The following CD163L1 variants were observed in gnomAD, a reference collection of about 807,000 sequenced individuals.
CD163L1 encodes the protein scavenger receptor cysteine-rich type 1 protein M160.
Under a neutral mutation model 165.4 loss-of-function variants are expected in CD163L1, and 124 were observed. The ratio of observed to expected loss-of-function variants is 0.75; its 90% CI spans 0.65 to 0.87. CD163L1 has a LOEUF of 0.87. CD163L1 is among the 40% of genes least tolerant of loss of function. The probability of loss-of-function intolerance (pLI) is 0.00; values close to 1 mark genes in which losing one functional copy is unlikely to be tolerated. For synonymous variants in CD163L1, 585 were observed against 662.2 expected, an observed-to-expected ratio of 0.88 and a Z score of 1.79; for missense variants, 1,525 against 1,799.9, an observed-to-expected ratio of 0.85 and a Z score of 2.76.
chr12:7,374,638 G>A lies in CD163L1; in HGVS notation c.3213C>T (p.His1071=), dbSNP rs756171461. 2.0e-5 allele frequency: 33 copies of A among 1,614,092 alleles called. No homozygotes were observed. The highest frequency in any genetic ancestry group is 1.3e-4 in the Admixed American group (8 of 60,010). The change falls in exon 13 of 20, where the codon CAC becomes CAT. Residue 1071 remains histidine (H), a synonymous_variant. Transcript: ENST00000313599. This position sits in a 1 kb window ranked among gnomAD's most constrained non-coding sequence, Gnocchi z 5.4. ...CACAGCCCAGCTTTTGACACACCAC[G>A]TGGGCATCGCTCAGGTCCCAGCCGT... The part of the protein sequence containing the change: ...CDDGWDLSDA[H]VVCQKLGCGV...
At chr12:7,428,198 T>A (rs1212426674) in intron 4 of CD163L1, among the ~76,000 whole-genome samples, 3 of 152,074 alleles carry the variant, frequency 2.0e-5, no homozygotes, top group Non-Finnish European at 2.9e-5. Context: ...TGGTTTTAAC[T>A]ATCATCCAGA....
chr12:7,384,725 G>A (rs1947481076), intron 8 of CD163L1, among the ~76,000 whole-genome samples: 1 of 151,914 alleles, frequency 6.6e-6, no homozygotes, highest in Admixed American at 6.6e-5. Context: ...GGAGATATAA[G>A]GTCTTTCCCA....
chr12:7,383,040 T>G (rs943917271), intron 8 of CD163L1, among the ~76,000 whole-genome samples: 3 of 152,184 alleles, frequency 2.0e-5, no homozygotes, highest in African/African-American at 7.2e-5. Context: ...CTATCACTGA[T>G]AGCAACCCCA....
intron 8 of CD163L1, among the ~76,000 whole-genome samples, chr12:7,380,336 CGT>C (rs756982296): frequency 6.9e-6 from 1 of 145,232 alleles, no homozygotes; most frequent in African/African-American, 2.7e-5. Context: ...TATGTATACA[CGT>C]ATACATACAT....
the CD163L1 span, among the ~76,000 whole-genome samples, chr12:7,337,393 T>C: frequency 6.6e-6 from 1 of 152,054 alleles, no homozygotes; most frequent in Non-Finnish European, 1.5e-5. Context: ...ACCTACAGAA[T>C]GGGAGAAAAT....
chr12:7,438,919 C>T, intron 2 of CD163L1: 2 of 1,603,270 alleles, frequency 1.2e-6, no homozygotes, highest in Non-Finnish European at 1.7e-6. Context: ...GCTTTTTAGG[C>T]ACAGTTTTCT....
intron 13 of CD163L1, among the ~76,000 whole-genome samples, chr12:7,373,903 C>G (rs186282108): frequency 6.6e-6 from 1 of 152,306 alleles, no homozygotes; most frequent in East Asian, 1.9e-4. Context: ...CTACATTCTA[C>G]TCTCGAACAT....
chr12:7,431,537 A>C (rs986178583), intron 4 of CD163L1, among the ~76,000 whole-genome samples: 1 of 151,284 alleles, frequency 6.6e-6, no homozygotes, highest in Non-Finnish European at 1.5e-5. Context: ...AGGACTTAAA[A>C]GTGATCCCCT....
At position 7,369,735 on chromosome 12, in the gene CD163L1, A is replaced by C. The variant is rs922942169; in HGVS notation, c.3731-70T>G. 6 of 1,399,234 alleles carry C rather than the reference A, an allele frequency of 4.3e-6. No individual in the cohort carries two copies. In the African/African-American group the frequency reaches 5.7e-5, roughly 13 times the overall value. 86.7% of individuals were successfully genotyped at this position (1,399,234 alleles called of 1,614,324 possible). A position where few individuals can be genotyped will look rare whatever the true frequency, so the allele number is the denominator to read the frequency against. ...TGTGGGAGAATGCTGAGGTAGAAAA[A>C]CTTGAAAGTAGCAAATGTGCTTGAT... is the stretch of plus-strand genomic sequence containing the variant. On this transcript the variant is annotated intron_variant, in intron 14 of 19. Coordinates refer to ENST00000313599, the MANE Select transcript of CD163L1 (RefSeq NM_174941.6). This position sits in a 1 kb window ranked among gnomAD's most constrained non-coding sequence, Gnocchi z 4.9.
rs1947157889 is a variant in CD163L1 at position 7,372,077 on chromosome 12, TA to T, written c.3730+1242del. Among the ~76,000 whole-genome samples the T allele has an allele frequency of 6.6e-6, 1 of 152,070 alleles. No individual in the cohort carries two copies. The highest frequency in any genetic ancestry group is 1.5e-5 in the Non-Finnish European group (1 of 67,952). On this transcript the variant is annotated intron_variant, in intron 14 of 19. Transcript: ENST00000313599. The surrounding 1 kb of genome is among the most constrained non-coding windows in gnomAD (Gnocchi z 4.2). ...TAAAAAGAAGCAAAATGCTTAAAAA[TA>T]TGAACCACAAACAGACAATATTCAT...
At chr12:7,411,375 G>A (rs975923617) in intron 4 of CD163L1, among the ~76,000 whole-genome samples, 3 of 152,018 alleles carry the variant, frequency 2.0e-5, no homozygotes, top group African/African-American at 7.2e-5. Flanking sequence ...TGTCCCCTCC[G>A]AATCTGAGGT....
chr12:7,358,975 T>C (rs1393598768), intron 18 of CD163L1, among the ~76,000 whole-genome samples: 4 of 151,780 alleles, frequency 2.6e-5, no homozygotes, highest in African/African-American at 7.3e-5. Context: ...GGCTCATCAA[T>C]GGACTGGACA....
intron 4 of CD163L1, among the ~76,000 whole-genome samples, chr12:7,417,530 A>G (rs1948270340): frequency 6.6e-6 from 1 of 152,104 alleles, no homozygotes; most frequent in Non-Finnish European, 1.5e-5. Context: ...CCCATTCAGT[A>G]TGATATTGGC....
At chr12:7,341,834 C>T (rs1193786221), downstream of CD163L1, among the ~76,000 whole-genome samples, 1 of 152,188 alleles carries the variant, frequency 6.6e-6, no homozygotes, top group Non-Finnish European at 1.5e-5. Context: ...TGTGACATTA[C>T]ATTCCAGAGA....
intron 4 of CD163L1, among the ~76,000 whole-genome samples, chr12:7,349,928 G>A (rs186916221): frequency 7.9e-5 from 12 of 151,976 alleles, no homozygotes; most frequent in African/African-American, 2.9e-4. Context: ...ACATAGCTTG[G>A]GAACAATTAC....
chr12:7,377,682 T>C (rs1947298398), intron 9 of CD163L1, among the ~76,000 whole-genome samples: 2 of 152,232 alleles, frequency 1.3e-5, no homozygotes, highest in Non-Finnish European at 1.5e-5. Flanking sequence ...TTCATCTATA[T>C]TGGCCTCTTA....
At chr12:7,325,493 A>C in the CD163L1 span, among the ~76,000 whole-genome samples, 1 of 152,146 alleles carries the variant, frequency 6.6e-6, no homozygotes, top group Admixed American at 6.5e-5. Context: ...CTAAAAATAC[A>C]AAAATTAGCC....
intron 6 of CD163L1, among the ~76,000 whole-genome samples, 167 bp downstream of exon 6, chr12:7,403,368 T>G (rs866758180): frequency 8.5e-5 from 13 of 152,146 alleles, no homozygotes; most frequent in African/African-American, 3.1e-4. Flanking sequence ...GAGAAGAAAC[T>G]CTCTTTTTAC....
chr12:7,396,028 A>T, intron 8 of CD163L1, 67 bp downstream of exon 8: 1 of 1,312,938 alleles, frequency 7.6e-7, no homozygotes, highest in East Asian at 2.3e-5. Flanking sequence ...ACTGACTAAG[A>T]AGAAAGAAGG....
Sources: gnomAD v4.1 joint callset for allele counts (sites outside exome capture counted in the v4.1 genomes callset) on GRCh38, gnomAD v4.1.1 for gene constraint, Gnocchi (gnomAD v3.1) non-coding constraint, MANE v1.5 for transcripts, NCBI Gene and HGNC (gene_info 2026-07-23, HGNC 2026-07-21) for gene names.